PIGT: variants seen among roughly 807,000 people sequenced by gnomAD.
PIGT encodes the protein GPI-anchor transamidase component PIGT.
PIGT carries 57 observed loss-of-function variants against 66.7 expected under a neutral mutation model. The ratio of observed to expected loss-of-function variants is 0.86; its 90% CI spans 0.69 to 1.07. The LOEUF is 1.07. Among genes scored for constraint, PIGT ranks in the 50% least tolerant of loss-of-function variants. The probability of loss-of-function intolerance (pLI) is 0.00; values close to 1 mark genes in which losing one functional copy is unlikely to be tolerated. For synonymous variants in PIGT, 362 were observed against 320.5 expected, an observed-to-expected ratio of 1.13 and a Z score of -1.38; for missense variants, 725 against 740.4, an observed-to-expected ratio of 0.98 and a Z score of 0.24.
chr20:45,423,886 C>T (rs1392461185), intron 9 of PIGT: 5 of 321,692 alleles, frequency 1.6e-5, no homozygotes, highest in South Asian at 4.3e-5. Flanking sequence ...ACATTTTTGG[C>T]AAGAAAAATT....
chr20:45,416,455 G>A, intron 1 of PIGT, 62 bp from the exon 2 acceptor site: 2 of 1,584,662 alleles, frequency 1.3e-6, no homozygotes, highest in Non-Finnish European at 1.7e-6. Context: ...GTAGAGTTCG[G>A]GATCCTGGGT....
intron 11 of PIGT, 178 bp from the exon 12 acceptor site, chr20:45,425,396 C>G (rs1177708079): frequency 2.1e-5 from 10 of 484,538 alleles, no homozygotes; most frequent in South Asian, 1.0e-4. Flanking sequence ...CCTTGCCCCC[C>G]GCCCGCCGCT....
intron 9 of PIGT, chr20:45,423,292 C>T (rs1015607949): frequency 6.6e-6 from 1 of 151,670 alleles, no homozygotes; most frequent in African/African-American, 2.4e-5. Flanking sequence ...TCTCGATCTT[C>T]TGACCTTGTG....
intron 9 of PIGT, chr20:45,422,104 G>A (rs555002501): frequency 3.3e-5 from 5 of 151,930 alleles, no homozygotes; most frequent in South Asian, 2.1e-4. Context: ...CCTATTAGGT[G>A]CCAGGCATAG....
rs199624997 is a variant in PIGT at position 45,419,333 on chromosome 20, C to T, written c.532C>T (p.Arg178Trp). The change falls in exon 4 of 12, where the codon CGG (arginine) becomes TGG (tryptophan). Residue 178 changes from arginine to tryptophan, a missense_variant. Coordinates refer to ENST00000279036, the MANE Select transcript of PIGT (RefSeq NM_015937.6). ...CTTTCTGCGCTATGCTGTGCTGCCG[C>T]GGGAGGTGGTCTGCACCGAAAACCT... ...HYFLRYAVLP[R>W]EVVCTENLTP... The T allele has an allele frequency of 1.4e-5, 22 of 1,614,124 alleles. No individual in the cohort carries two copies. The highest frequency in any genetic ancestry group is 1.7e-5 in the Non-Finnish European group (20 of 1,179,982).
chr20:45,418,651 G>C (rs1990139923), intron 2 of PIGT: 1 of 568,354 alleles, frequency 1.8e-6, no homozygotes, highest in Non-Finnish European at 3.2e-6. Flanking sequence ...CCAGAGGAGA[G>C]TGAGGAAGAA....
intron 11 of PIGT, 50 bp downstream of exon 11, chr20:45,424,629 C>G: frequency 6.8e-6 from 10 of 1,464,750 alleles, no homozygotes; most frequent in Non-Finnish European, 9.6e-6. Context: ...GCCTGCTGGG[C>G]CTTAACACAG....
At chr20:45,422,005 C>T (rs1990396086) in intron 9 of PIGT, 2 of 152,814 alleles carry the variant, frequency 1.3e-5, no homozygotes, top group Admixed American at 6.5e-5. Context: ...TAAAGAGGTA[C>T]AGTTAATTAA....
At chr20:45,416,867 C>A in intron 2 of PIGT, 173 bp downstream of exon 2, 1 of 559,912 alleles carries the variant, frequency 1.8e-6, no homozygotes, top group Non-Finnish European at 3.0e-6. Flanking sequence ...ACTTCCCAAT[C>A]CTAAAACTTT....
chr20:45,423,787 C>T (rs1990535611), intron 9 of PIGT: 1 of 174,266 alleles, frequency 5.7e-6, no homozygotes, highest in South Asian at 1.5e-4. Flanking sequence ...CTGGGTTTGT[C>T]CTTGTGCTAG....
At chr20:45,422,546 A>G (rs1990434310) in intron 9 of PIGT, 1 of 151,376 alleles carries the variant, frequency 6.6e-6, no homozygotes, top group African/African-American at 2.4e-5. Flanking sequence ...TGCTCGGCTC[A>G]AGCAATCCTC....
chr20:45,424,422 C>G, intron 10 of PIGT, 41 bp downstream of exon 10: 1 of 1,613,646 alleles, frequency 6.2e-7, no homozygotes. Context: ...TCCCCCTGAC[C>G]TACCCTTTCT....
intron 8 of PIGT, chr20:45,421,166 G>A (rs765304977): frequency 2.1e-5 from 12 of 578,026 alleles, no homozygotes; most frequent in Middle Eastern, 4.6e-4. Context: ...CACGGTGTTC[G>A]TCACGTAAGC....
intron 8 of PIGT, 113 bp downstream of exon 8, chr20:45,420,806 G>A (rs1195079425): frequency 9.2e-7 from 1 of 1,081,292 alleles, no homozygotes; most frequent in African/African-American, 1.5e-5. Flanking sequence ...GATTTCCAGA[G>A]TCATATGCTG....
intron 5 of PIGT, 161 bp downstream of exon 5, chr20:45,419,751 C>T (rs1990230313): frequency 1.6e-5 from 10 of 638,902 alleles, no homozygotes; most frequent in Non-Finnish European, 2.5e-5. Context: ...CAGTGGTTGC[C>T]TAGCAAGCAC....
intron 2 of PIGT, chr20:45,417,732 G>C (rs1228482578): frequency 6.6e-6 from 1 of 152,226 alleles, no homozygotes; most frequent in Non-Finnish European, 1.5e-5. Context: ...GCGGGTCAAT[G>C]TTGTGCATAC....
Position 45,425,607 on chromosome 20 carries a change from G to A in PIGT, c.1518G>A (p.Val506=), listed in dbSNP as rs780058737. 1 of 1,613,938 alleles carries A rather than the reference G, an allele frequency of 6.2e-7. No individual in the cohort carries two copies. ...TCTCTGATGGCTCTAACTACTTTGT[G>A]CGGCTCTACACGGAGCCGCTGCTGG... ...FPVSDGSNYF[V]RLYTEPLLVN... The change falls in exon 12 of 12, where the codon GTG becomes GTA. Residue 506 remains valine, a synonymous_variant. Transcript: ENST00000279036.
chr20:45,421,283 C>A, intron 8 of PIGT, 100 bp from the exon 9 acceptor site: 1 of 969,714 alleles, frequency 1.0e-6, no homozygotes. Flanking sequence ...TGTTCCCCAT[C>A]TACTCACTGG....
At chr20:45,420,851 G>GGAGTT in intron 8 of PIGT, 158 bp downstream of exon 8, 1 of 735,728 alleles carries the variant, frequency 1.4e-6, no homozygotes, top group Non-Finnish European at 2.3e-6. Flanking sequence ...ACGATTTTGG[G>GGAGTT]TAGGTTCCTA....
Sources: allele counts gnomAD v4.1 joint callset, GRCh38; gene constraint gnomAD v4.1.1; transcripts MANE v1.5; gene names NCBI Gene and HGNC (gene_info 2026-07-23, HGNC 2026-07-21).